The following KHDRBS3 variants were observed in gnomAD, a reference collection of about 807,000 sequenced individuals.
KHDRBS3 encodes the protein KH domain-containing, RNA-binding, signal transduction-associated protein 3.
Under a neutral mutation model 45.6 loss-of-function variants are expected in KHDRBS3, and 23 were observed. The ratio of observed to expected loss-of-function variants is 0.50; its 90% CI spans 0.36 to 0.72. KHDRBS3 has a LOEUF of 0.72. Ranked by LOEUF, KHDRBS3 falls within the 30% of genes least tolerant of loss-of-function variation. The pLI, the probability that KHDRBS3 is intolerant of heterozygous loss-of-function variation, is 0.00. For synonymous variants in KHDRBS3, 162 were observed against 156.5 expected, an observed-to-expected ratio of 1.04 and a Z score of -0.26; for missense variants, 352 against 424.8, an observed-to-expected ratio of 0.83 and a Z score of 1.51.
At position 135,632,361 on chromosome 8, in the gene KHDRBS3, T is replaced by C. The variant is rs147107680; in HGVS notation, c.891-12698T>C. Among the ~76,000 whole-genome samples, 74 of 152,134 alleles carry C rather than the reference T, an allele frequency of 4.9e-4. No homozygotes were observed. The East Asian group carries it at 0.014, about 29-fold the overall frequency. Reference sequence around the variant, plus strand: ...CTCCATCTCTTGCTAGACCCTCCTCTTCTTGCCCTCTGCATTCTGGAGTCA... The same window carrying C: ...CTCCATCTCTTGCTAGACCCTCCTCCTCTTGCCCTCTGCATTCTGGAGTCA... On this transcript the variant is annotated intron_variant, in intron 7 of 8. Coordinates refer to ENST00000355849, the MANE Select transcript of KHDRBS3 (RefSeq NM_006558.3).
chr8:135,474,833 C>T (rs1049690208), intron 1 of KHDRBS3, among the ~76,000 whole-genome samples: 2 of 152,304 alleles, frequency 1.3e-5, no homozygotes, highest in African/African-American at 4.8e-5. Flanking sequence ...TCCTGGAGCT[C>T]AGAAGTCCGC....
At chr8:135,616,935 G>T (rs1427212771) in intron 7 of KHDRBS3, among the ~76,000 whole-genome samples, 1 of 151,908 alleles carries the variant, frequency 6.6e-6, no homozygotes, top group African/African-American at 2.4e-5. Flanking sequence ...AATAACTTTT[G>T]TATAATTTCT....
chr8:135,519,234 G>A (rs1824780316), intron 1 of KHDRBS3, among the ~76,000 whole-genome samples: 1 of 152,012 alleles, frequency 6.6e-6, no homozygotes, highest in Non-Finnish European at 1.5e-5. Flanking sequence ...AATCCCTATT[G>A]TATAGTGTTT....
At chr8:135,558,822 G>A (rs547024822) in intron 5 of KHDRBS3, among the ~76,000 whole-genome samples, 1 of 151,612 alleles carries the variant, frequency 6.6e-6, no homozygotes, top group Admixed American at 6.6e-5. Context: ...TTCTCTGATC[G>A]TTATGGAGGC....
intron 1 of KHDRBS3, among the ~76,000 whole-genome samples, chr8:135,468,130 C>T (rs747855400): frequency 9.9e-5 from 15 of 152,128 alleles, no homozygotes; most frequent in South Asian, 2.1e-4. Flanking sequence ...TTACTATCAC[C>T]GTGTAAATTG....
chr8:135,638,534 C>A (rs1454585544), intron 7 of KHDRBS3, among the ~76,000 whole-genome samples: 1 of 152,134 alleles, frequency 6.6e-6, no homozygotes, highest in African/African-American at 2.4e-5. Context: ...AAAACTAACA[C>A]CTTGAATAAA....
At chr8:135,535,799 TC>T (rs1461739345) in intron 2 of KHDRBS3, among the ~76,000 whole-genome samples, 1 of 152,118 alleles carries the variant, frequency 6.6e-6, no homozygotes, top group African/African-American at 2.4e-5. Flanking sequence ...GGCTGGGAAG[TC>T]CAAGGTCAAG....
chr8:135,530,006 C>T (rs777005263), intron 2 of KHDRBS3, among the ~76,000 whole-genome samples: 85 of 150,596 alleles, frequency 5.6e-4, no homozygotes, highest in Non-Finnish European at 1.1e-3. Flanking sequence ...GAGCCGAGAT[C>T]GTGCCACTGC....
chr8:135,570,370 G>A (rs78740609), intron 5 of KHDRBS3, among the ~76,000 whole-genome samples: 2,840 of 152,180 alleles, frequency 0.019, 90 homozygotes, highest in African/African-American at 0.064. Context: ...TGCAAATGAT[G>A]TACTTTCCTT....
chr8:135,618,084 C>T (rs1829991700), intron 7 of KHDRBS3, among the ~76,000 whole-genome samples: 1 of 152,008 alleles, frequency 6.6e-6, no homozygotes. Flanking sequence ...ATATTTTTCC[C>T]TTGTATTTGT....
chr8:135,530,862 CTT>C (rs1825438406), intron 2 of KHDRBS3, among the ~76,000 whole-genome samples: 2 of 152,320 alleles, frequency 1.3e-5, no homozygotes, highest in South Asian at 4.1e-4. Flanking sequence ...ATCTATCTCT[CTT>C]TACATTTCAT....
chr8:135,587,913 C>G (rs986650095), intron 6 of KHDRBS3, among the ~76,000 whole-genome samples: 1 of 152,182 alleles, frequency 6.6e-6, no homozygotes, highest in Non-Finnish European at 1.5e-5. Context: ...ATTACTTCAC[C>G]TAAACACTTG....
At chr8:135,596,919 C>G (rs780356032) in intron 6 of KHDRBS3, among the ~76,000 whole-genome samples, 1 of 152,238 alleles carries the variant, frequency 6.6e-6, no homozygotes, top group Non-Finnish European at 1.5e-5. Flanking sequence ...CATTTAAGGC[C>G]CAGAGGTTCC....
chr8:135,531,671 G>A (rs1295025944), intron 2 of KHDRBS3, among the ~76,000 whole-genome samples: 1 of 152,102 alleles, frequency 6.6e-6, no homozygotes, highest in Admixed American at 6.5e-5. Flanking sequence ...AGGACATGAT[G>A]GAGAGTTATT....
At chr8:135,495,271 AC>A (rs992993353) in intron 1 of KHDRBS3, among the ~76,000 whole-genome samples, 1 of 152,156 alleles carries the variant, frequency 6.6e-6, no homozygotes, top group Non-Finnish European at 1.5e-5. Context: ...AATTCCACTC[AC>A]CTGTTTTTGT....
intron 1 of KHDRBS3, 129 bp downstream of exon 1, chr8:135,458,083 C>T (rs1489135552): frequency 1.4e-6 from 2 of 1,394,768 alleles, no homozygotes; most frequent in Admixed American, 3.3e-5. Flanking sequence ...CGGGTGGCCC[C>T]CGGGGTCGTT....
chr8:135,609,579 GC>G (rs1333162739), intron 7 of KHDRBS3, among the ~76,000 whole-genome samples: 2 of 148,896 alleles, frequency 1.3e-5, no homozygotes, highest in African/African-American at 2.6e-5. Flanking sequence ...ACAGGTGTGA[GC>G]CACCACACCG....
intron 2 of KHDRBS3, among the ~76,000 whole-genome samples, chr8:135,533,929 T>G (rs1475350322): frequency 3.3e-5 from 5 of 152,160 alleles, no homozygotes; most frequent in African/African-American, 1.2e-4. Flanking sequence ...CTCATGTAAT[T>G]TATCAAATAT....
chr8:135,515,037 T>G (rs2130610407), intron 1 of KHDRBS3, among the ~76,000 whole-genome samples: 1 of 152,248 alleles, frequency 6.6e-6, no homozygotes, highest in South Asian at 2.1e-4. Flanking sequence ...ATGGATATTT[T>G]TGTATGTAAA....
Sources: allele counts gnomAD v4.1 joint callset (sites outside exome capture counted in the v4.1 genomes callset), GRCh38; gene constraint gnomAD v4.1.1; transcripts MANE v1.5; gene names NCBI Gene and HGNC (gene_info 2026-07-23, HGNC 2026-07-21).